The following ANKS1B variants were observed in gnomAD, a reference collection of about 807,000 sequenced individuals.
The protein encoded by ANKS1B is ankyrin repeat and sterile alpha motif domain-containing protein 1B.
Under a neutral mutation model 148.3 loss-of-function variants are expected in ANKS1B, and 36 were observed. That is an observed-to-expected ratio of 0.24 (90% CI 0.19 to 0.32). The LOEUF is 0.32. Among genes scored for constraint, ANKS1B ranks in the 10% least tolerant of loss-of-function variants. The pLI is 1.00. For missense variants in ANKS1B, 1,157 were observed against 1,542.6 expected (o/e 0.75, Z 4.19); for synonymous variants, 542 against 560.8 (o/e 0.97, Z 0.47).
intron 17 of ANKS1B, chr12:98,894,922 G>A: frequency 1.1e-6 from 1 of 916,788 alleles, no homozygotes; most frequent in African/African-American, 1.8e-5. Flanking sequence ...CGCGGCGCGT[G>A]CCCCCCACCC....
Position 98,745,681 on chromosome 12 carries a change from G to A in ANKS1B, c.*58C>T. 6.3e-7 allele frequency: 1 copy of A among 1,596,644 alleles called. No individual in the cohort carries two copies. Among genetic ancestry groups the A allele is most frequent in the Non-Finnish European group, 8.5e-7 (1 of 1,171,108 alleles). On this transcript the variant is annotated 3_prime_UTR_variant, in exon 27 of 27. Transcript: ENST00000683438. The stretch of plus-strand genomic sequence containing the variant: ...GGTGGACGCGGAGGCGCGAAGGAAA[G>A]CCTGCTCCGGGACCGCTTGGCGAGC...
intron 9 of ANKS1B, among the ~76,000 whole-genome samples, chr12:99,563,568 C>A (rs1419862113): frequency 6.6e-6 from 1 of 152,106 alleles, no homozygotes; most frequent in Non-Finnish European, 1.5e-5. Flanking sequence ...CACCCCAAAA[C>A]AATTACAATA....
chr12:98,799,047 T>C lies in ANKS1B; in HGVS notation c.3271-42A>G, dbSNP rs149471996. 61 of 1,372,726 alleles carry C rather than the reference T, an allele frequency of 4.4e-5. No individual in the cohort carries two copies. In the East Asian group the frequency reaches 1.0e-3, roughly 24 times the overall value. 85.0% of individuals were successfully genotyped at this position (1,372,726 alleles called of 1,614,324 possible). ...ATTCAATGATTTATGAAATGGAATA[T>C]ACATATGAGTAATGTTTTAAAAACA... On this transcript the variant is annotated intron_variant, in intron 21 of 26. Transcript: ENST00000683438.
chr12:99,966,826 CAACTTCCGTGG>C (rs565184602), intron 1 of ANKS1B, among the ~76,000 whole-genome samples: 370 of 152,308 alleles, frequency 2.4e-3, no homozygotes, highest in African/African-American at 8.2e-3. Context: ...ACAGCACATA[CAACTTCCGTGG>C]AACACAATTT....
chr12:98,783,226 G>A (rs574163250), intron 22 of ANKS1B, among the ~76,000 whole-genome samples: 9 of 152,226 alleles, frequency 5.9e-5, no homozygotes, highest in Non-Finnish European at 1.3e-4. Context: ...AACCCACTGT[G>A]CTTGTCACTG....
chr12:98,746,624 GCT>G lies in ANKS1B; in HGVS notation c.3748-777_3748-776del, dbSNP rs371343584. Reference sequence around the variant, plus strand: ...TTGTTCATCCTCCACTGCCACGTATGCTCATGGAGGCAGGATTTTGTCTGTTT... The same window carrying G: ...TTGTTCATCCTCCACTGCCACGTATGCATGGAGGCAGGATTTTGTCTGTTT... On this transcript the variant is annotated intron_variant, in intron 26 of 26. Coordinates refer to ENST00000683438, the MANE Select transcript of ANKS1B (RefSeq NM_001352186.2). 5.0e-3 allele frequency among the ~76,000 whole-genome samples: 763 copies of G among 152,326 alleles called. 2 individuals carry two copies. The highest frequency in any genetic ancestry group is 0.018 in the African/African-American group (729 of 41,568).
At chr12:98,981,414 C>T (rs191031149) in intron 17 of ANKS1B, among the ~76,000 whole-genome samples, 5 of 152,270 alleles carry the variant, frequency 3.3e-5, no homozygotes, top group Admixed American at 1.3e-4. Flanking sequence ...CAGCTCACTG[C>T]AACATCCGCC....
intron 14 of ANKS1B, among the ~76,000 whole-genome samples, chr12:99,224,805 C>A (rs1455842777): frequency 2.0e-5 from 3 of 152,066 alleles, no homozygotes; most frequent in Non-Finnish European, 4.4e-5. Flanking sequence ...AGTAGGTAAG[C>A]GAAAAACCAG....
At chr12:99,564,999 T>C (rs1465774713) in intron 9 of ANKS1B, among the ~76,000 whole-genome samples, 2 of 152,132 alleles carry the variant, frequency 1.3e-5, no homozygotes, top group Non-Finnish European at 2.9e-5. Context: ...TCTGGAAAAA[T>C]ATATTTGGAT....
At position 99,838,984 on chromosome 12, in the gene ANKS1B, T is replaced by C. The variant is rs114494936; in HGVS notation, c.135-13595A>G. Among the ~76,000 whole-genome samples the C allele has an allele frequency of 7.9e-3, 1,200 of 152,312 alleles. 16 individuals are homozygous for C. Among genetic ancestry groups the C allele is most frequent in the African/African-American group, 0.027 (1,134 of 41,574 alleles). On this transcript the variant is annotated intron_variant, in intron 1 of 26. Transcript: ENST00000683438. ...GACTAATATTACATTATTTAATTTCTATAGCTTTATAGCATATTTTAATAG... is the reference window on the plus strand; with the variant it reads ...GACTAATATTACATTATTTAATTTCCATAGCTTTATAGCATATTTTAATAG...
chr12:99,092,618 T>G (rs149921780), intron 15 of ANKS1B, among the ~76,000 whole-genome samples: 191 of 152,298 alleles, frequency 1.3e-3, no homozygotes, highest in African/African-American at 4.4e-3. Flanking sequence ...TTGGACACCT[T>G]GCTCCGAACA....
intron 8 of ANKS1B, among the ~76,000 whole-genome samples, chr12:99,678,078 T>C (rs916052601): frequency 6.6e-6 from 1 of 152,226 alleles, no homozygotes; most frequent in African/African-American, 2.4e-5. Flanking sequence ...CTCCATTCAT[T>C]ACTCTGTTGT....
intron 15 of ANKS1B, among the ~76,000 whole-genome samples, chr12:99,142,259 A>T (rs2071130835): frequency 6.6e-6 from 1 of 152,050 alleles, no homozygotes; most frequent in African/African-American, 2.4e-5. Flanking sequence ...CCAGAGAAAG[A>T]TCGGGTAAAC....
intron 22 of ANKS1B, among the ~76,000 whole-genome samples, 158 bp from the exon 23 acceptor site, chr12:98,782,295 T>C (rs1035678771): frequency 6.6e-6 from 1 of 152,212 alleles, no homozygotes; most frequent in African/African-American, 2.4e-5. Flanking sequence ...TCATCAAAGA[T>C]GCAGTGCCAC....
At chr12:99,665,150 TCAC>T (rs1319035398) in intron 8 of ANKS1B, among the ~76,000 whole-genome samples, 2 of 152,188 alleles carry the variant, frequency 1.3e-5, no homozygotes, top group African/African-American at 2.4e-5. Flanking sequence ...AAATGCTAGG[TCAC>T]ACGGTAAATG....
chr12:99,389,404 T>C (rs958260774), intron 12 of ANKS1B, among the ~76,000 whole-genome samples: 1 of 152,232 alleles, frequency 6.6e-6, no homozygotes, highest in Admixed American at 6.5e-5. Context: ...GTTTGAAAAC[T>C]GTTTTCAACT....
intron 11 of ANKS1B, among the ~76,000 whole-genome samples, chr12:99,402,050 G>A (rs2094418820): frequency 6.8e-6 from 1 of 146,402 alleles, no homozygotes; most frequent in Non-Finnish European, 1.5e-5. Context: ...TGGCTTTTTA[G>A]AGAAAATATT....
rs2068467934 is a variant in ANKS1B at position 99,812,298 on chromosome 12, T to C, written c.229A>G (p.Lys77Glu). Reference protein sequence around the residue: ...ALNGHKDIVLKLLQYEASTNV... With the variant: ...ALNGHKDIVLELLQYEASTNV... ...GTTGATGCCTCATACTGAAGTAGTT[T>C]GAGAACTATGTCCCTAAAAAGGAAA... Residue 77 changes from lysine (K) to glutamate (E), a missense_variant, in exon 3 of 27, where the codon AAA (lysine) becomes GAA (glutamate). Lys to Glu is a moderately conservative substitution (Grantham distance 56). Coordinates refer to ENST00000683438, the MANE Select transcript of ANKS1B (RefSeq NM_001352186.2). 6.2e-7 allele frequency: 1 copy of C among 1,610,766 alleles called. No homozygotes were observed. The highest frequency in any genetic ancestry group is 8.5e-7 in the Non-Finnish European group (1 of 1,178,046).
intron 16 of ANKS1B, among the ~76,000 whole-genome samples, chr12:99,062,360 T>C (rs2372632): frequency 0.66 from 100,488 of 152,072 alleles, 33,462 homozygotes; most frequent in East Asian, 0.89. Flanking sequence ...ACAGCTGAAA[T>C]CATGCACAGG....
Sources: allele counts gnomAD v4.1 joint callset (sites outside exome capture counted in the v4.1 genomes callset), GRCh38; gene constraint gnomAD v4.1.1; transcripts MANE v1.5; gene names NCBI Gene and HGNC (gene_info 2026-07-23, HGNC 2026-07-21).